The following NRXN1 variants were observed in gnomAD, a reference collection of about 807,000 sequenced individuals.
NRXN1 encodes neurexin-1.
A neutral mutation model predicts 150.9 loss-of-function variants in NRXN1; 39 were observed. The observed-to-expected ratio is 0.26, with a 90% CI of 0.20 to 0.34. The LOEUF (loss-of-function observed/expected upper bound fraction) is 0.34. Ranked by LOEUF, NRXN1 falls within the 10% of genes least tolerant of loss-of-function variation. NRXN1 has a pLI of 1.00. For synonymous variants in NRXN1, 924 were observed against 757.0 expected (o/e 1.22, Z -3.62); for missense variants, 1,815 against 1,949.9 (o/e 0.93, Z 1.30).
At chr2:50,703,975 A>C (rs1694100885) in intron 5 of NRXN1, among the ~76,000 whole-genome samples, 1 of 152,126 alleles carries the variant, frequency 6.6e-6, no homozygotes, top group African/African-American at 2.4e-5. Flanking sequence ...ACAATTCAAA[A>C]TATATTAAAA....
chr2:50,225,302 T>C (rs894122129), intron 18 of NRXN1, among the ~76,000 whole-genome samples: 1 of 151,840 alleles, frequency 6.6e-6, no homozygotes, highest in Non-Finnish European at 1.5e-5. Flanking sequence ...TATTTCTCCA[T>C]TCACTCAGGT....
At chr2:50,660,889 A>C (rs1687202176) in intron 5 of NRXN1, among the ~76,000 whole-genome samples, 1 of 152,018 alleles carries the variant, frequency 6.6e-6, no homozygotes, top group Non-Finnish European at 1.5e-5. Flanking sequence ...AGATAAAGAA[A>C]ACAAAGTTTC....
intron 5 of NRXN1, among the ~76,000 whole-genome samples, chr2:50,686,680 G>A (rs1158081899): frequency 6.6e-6 from 1 of 152,186 alleles, no homozygotes; most frequent in Non-Finnish European, 1.5e-5. Context: ...CCTTGATTCT[G>A]CTGTATCCAC....
intron 5 of NRXN1, among the ~76,000 whole-genome samples, chr2:50,742,235 T>C (rs567498962): frequency 1.1e-3 from 161 of 151,860 alleles, no homozygotes; most frequent in Non-Finnish European, 1.9e-3. Flanking sequence ...AATTGCAATA[T>C]TTACATATAT....
chr2:50,980,920 C>T (rs1460594284), intron 2 of NRXN1, among the ~76,000 whole-genome samples: 1 of 151,976 alleles, frequency 6.6e-6, no homozygotes, highest in East Asian at 1.9e-4. Context: ...CTGCTGTGCC[C>T]TAACACTTTA....
chr2:50,368,103 G>A (rs761107002), intron 17 of NRXN1, among the ~76,000 whole-genome samples: 2 of 151,910 alleles, frequency 1.3e-5, no homozygotes, highest in Non-Finnish European at 2.9e-5. Context: ...AGTCCTCAAA[G>A]GTCCTGATAA....
intron 5 of NRXN1, among the ~76,000 whole-genome samples, chr2:50,753,022 CACTT>C (rs1221389971): frequency 1.3e-5 from 2 of 151,876 alleles, no homozygotes; most frequent in South Asian, 2.1e-4. Flanking sequence ...ATCCTATTAA[CACTT>C]ACATGGTTTA....
chr2:50,791,114 G>C (rs1412056750), intron 5 of NRXN1, among the ~76,000 whole-genome samples: 1 of 145,936 alleles, frequency 6.9e-6, no homozygotes, highest in Non-Finnish European at 1.5e-5. Flanking sequence ...ATAAGTAAAT[G>C]CAATCAAAAT....
chr2:50,423,890 G>T (rs766008738), intron 17 of NRXN1, among the ~76,000 whole-genome samples: 22 of 152,060 alleles, frequency 1.4e-4, no homozygotes, highest in Admixed American at 3.9e-4. Context: ...CTGGGTAATC[G>T]CTGGTATCTG....
chr2:49,996,241 T>C (rs748377197), intron 21 of NRXN1, among the ~76,000 whole-genome samples: 2 of 152,156 alleles, frequency 1.3e-5, no homozygotes, highest in African/African-American at 2.4e-5. Context: ...ATTGCAGAAG[T>C]AGAAATAACT....
chr2:50,339,005 A>G (rs1466368616), intron 17 of NRXN1, among the ~76,000 whole-genome samples: 1 of 152,210 alleles, frequency 6.6e-6, no homozygotes, highest in Non-Finnish European at 1.5e-5. Context: ...ATCTAGAAAA[A>G]TATGCCATGA....
At chr2:50,295,351 G>T (rs892171024) in intron 17 of NRXN1, among the ~76,000 whole-genome samples, 11 of 152,026 alleles carry the variant, frequency 7.2e-5, no homozygotes, top group African/African-American at 2.4e-4. Flanking sequence ...TGTGACACAA[G>T]GTAAATTTTT....
intron 12 of NRXN1, among the ~76,000 whole-genome samples, chr2:50,512,963 C>G (rs2092508242): frequency 1.3e-5 from 2 of 152,038 alleles, no homozygotes; most frequent in African/African-American, 4.8e-5. Context: ...GATCTGCATG[C>G]ATCATAAGAA....
chr2:50,006,076 C>T (rs1316831118), intron 21 of NRXN1, among the ~76,000 whole-genome samples: 1 of 151,976 alleles, frequency 6.6e-6, no homozygotes, highest in Non-Finnish European at 1.5e-5. Context: ...ATAAATCAAT[C>T]CTCAGTAAGT....
intron 5 of NRXN1, among the ~76,000 whole-genome samples, chr2:50,723,342 A>C (rs1040560236): frequency 6.6e-6 from 1 of 152,212 alleles, no homozygotes. Flanking sequence ...TTGAAGAACT[A>C]TTATTCAAAG....
intron 21 of NRXN1, among the ~76,000 whole-genome samples, chr2:49,982,691 G>C (rs569764830): frequency 2.6e-5 from 4 of 152,030 alleles, no homozygotes; most frequent in Non-Finnish European, 5.9e-5. Flanking sequence ...TATTCTAGTA[G>C]CAAAAGAATA....
intron 17 of NRXN1, among the ~76,000 whole-genome samples, chr2:50,462,329 G>C (rs190949254): frequency 6.6e-6 from 1 of 151,734 alleles, no homozygotes; most frequent in African/African-American, 2.4e-5. Context: ...TAGGAAGCCA[G>C]AGGAGAAAAA....
At chr2:50,226,016 C>T (rs1011449174) in intron 18 of NRXN1, among the ~76,000 whole-genome samples, 28 of 152,054 alleles carry the variant, frequency 1.8e-4, no homozygotes, top group African/African-American at 5.1e-4. Context: ...AGAGTTATCT[C>T]GTTCAGCCTG....
At chr2:50,910,453 A>G (rs1684362272) in intron 5 of NRXN1, among the ~76,000 whole-genome samples, 1 of 151,990 alleles carries the variant, frequency 6.6e-6, no homozygotes, top group Non-Finnish European at 1.5e-5. Flanking sequence ...TAACTTTCCC[A>G]AAGCCACACA....
Sources: allele counts gnomAD v4.1 joint callset (sites outside exome capture counted in the v4.1 genomes callset), GRCh38; gene constraint gnomAD v4.1.1; transcripts MANE v1.5; gene names NCBI Gene and HGNC (gene_info 2026-07-23, HGNC 2026-07-21).